RIT2: variants seen among roughly 807,000 people sequenced by gnomAD.
The protein encoded by RIT2 is Ras like without CAAX 2.
Under a neutral mutation model 23.7 loss-of-function variants are expected in RIT2, and 24 were observed. The ratio of observed to expected loss-of-function variants is 1.01; its 90% CI spans 0.73 to 1.43. RIT2 has a LOEUF of 1.43. Among genes scored for constraint, RIT2 ranks in the 40% most tolerant of loss-of-function variants. The pLI, the probability that RIT2 is intolerant of heterozygous loss-of-function variation, is 0.00. For synonymous variants in RIT2, 107 were observed against 91.1 expected, an observed-to-expected ratio of 1.17 and a Z score of -0.99; for missense variants, 236 against 266.9, an observed-to-expected ratio of 0.88 and a Z score of 0.81.
rs1170217010 is a variant in RIT2, at chr18:42,743,661, G to A, written c.486C>T (p.Thr162=). The A allele has an allele frequency of 1.2e-6, 2 of 1,613,824 alleles. No individual in the cohort carries two copies. The highest frequency in any genetic ancestry group is 1.3e-5 in the African/African-American group (1 of 74,954). ...CAATACAGAATCTGAGGGCTGCAGA[G>A]GTCTCAAAAAAACCACAATTATATT... The part of the protein sequence containing the change: ...AQEYNCGFFE[T]SAALRFCIDD... The change falls in exon 5 of 5, where the codon ACC becomes ACT. Residue 162 remains threonine, a synonymous_variant. Transcript: ENST00000326695.
intron 3 of RIT2, among the ~76,000 whole-genome samples, chr18:42,935,566 G>A (rs573084177): frequency 1.3e-5 from 2 of 152,116 alleles, no homozygotes; most frequent in Non-Finnish European, 2.9e-5. Context: ...AGATCGAAGA[G>A]AGCCCGGAAC....
chr18:42,836,569 G>A (rs1261030416), intron 4 of RIT2, among the ~76,000 whole-genome samples: 7 of 152,092 alleles, frequency 4.6e-5, no homozygotes, highest in South Asian at 2.1e-4. Context: ...GAGAAGCTTC[G>A]TTTGGGGATA....
At chr18:42,906,786 C>CT (rs2144113812) in intron 4 of RIT2, among the ~76,000 whole-genome samples, 1 of 152,258 alleles carries the variant, frequency 6.6e-6, no homozygotes, top group Non-Finnish European at 1.5e-5. Flanking sequence ...ATGAAAATAG[C>CT]TTTGTTTCCC....
At chr18:43,031,776 TAACA>T (rs1911859376) in intron 2 of RIT2, among the ~76,000 whole-genome samples, 1 of 152,078 alleles carries the variant, frequency 6.6e-6, no homozygotes. Flanking sequence ...GTCAGTAGGG[TAACA>T]AACAGATCTA....
At chr18:42,757,728 T>C (rs1393449882) in intron 4 of RIT2, among the ~76,000 whole-genome samples, 1 of 152,184 alleles carries the variant, frequency 6.6e-6, no homozygotes, top group Non-Finnish European at 1.5e-5. Context: ...ATCAGCCAGT[T>C]CCCTGTCCTA....
Position 42,913,595 on chromosome 18 carries a change from T to C in RIT2, c.426+9977A>G, listed in dbSNP as rs1005350992. On this transcript the variant is annotated intron_variant, in intron 4 of 4. Coordinates refer to ENST00000326695, the MANE Select transcript of RIT2 (RefSeq NM_002930.4). ...ATGAAAATAAAAATAAGCATTATCT[T>C]AGGCGAAATAAGCCAGGCACAGAAA... Among the ~76,000 whole-genome samples the C allele has an allele frequency of 2.0e-5, 3 of 151,996 alleles. 1 individual carries two copies. The highest frequency in any genetic ancestry group is 2.0e-4 in the Admixed American group (3 of 15,210).
Position 42,797,098 on chromosome 18 carries a change from C to G in RIT2, c.427-53378G>C, listed in dbSNP as rs1193236002. The stretch of plus-strand genomic sequence containing the variant: ...AATAAACAGTATCTACAGAGAGCAT[C>G]TATACACCAGGCCCTCAGGAGATGG... On this transcript the variant is annotated intron_variant, in intron 4 of 4. Coordinates refer to ENST00000326695, the MANE Select transcript of RIT2 (RefSeq NM_002930.4). Among the ~76,000 whole-genome samples the G allele has an allele frequency of 3.3e-5, 5 of 152,116 alleles. No homozygotes were observed. The East Asian group carries it at 5.8e-4, about 18-fold the overall frequency.
At chr18:42,834,601 G>C (rs1385932049) in intron 4 of RIT2, among the ~76,000 whole-genome samples, 1 of 151,816 alleles carries the variant, frequency 6.6e-6, no homozygotes, top group Non-Finnish European at 1.5e-5. Flanking sequence ...GCTTTGAGTA[G>C]TTTTCAAAAT....
rs1187407666 is a variant in RIT2 at position 42,799,481 on chromosome 18, A to G, written c.427-55761T>C. On this transcript the variant is annotated intron_variant, in intron 4 of 4. Transcript: ENST00000326695. ...ATAGCCCAAGCTACCAATATTTCCC[A>G]ATTGAGCTATTGCAATCTCCTCCTA... Among the ~76,000 whole-genome samples, 4 of 152,176 alleles carry G rather than the reference A, an allele frequency of 2.6e-5. No homozygotes were observed. The East Asian group carries it at 7.7e-4, about 29-fold the overall frequency.
intron 3 of RIT2, among the ~76,000 whole-genome samples, chr18:42,970,008 T>G (rs1910325152): frequency 2.0e-5 from 3 of 152,006 alleles, no homozygotes; most frequent in African/African-American, 7.2e-5. Flanking sequence ...CTTGACCTAT[T>G]GCAGTTCTTG....
intron 2 of RIT2, among the ~76,000 whole-genome samples, chr18:43,032,215 T>C (rs1226824205): frequency 2.0e-5 from 3 of 152,088 alleles, no homozygotes; most frequent in African/African-American, 7.2e-5. Flanking sequence ...GATAGATGTG[T>C]CTCATGGATA....
chr18:42,851,679 G>A (rs774942801), intron 4 of RIT2, among the ~76,000 whole-genome samples: 3 of 151,852 alleles, frequency 2.0e-5, no homozygotes, highest in African/African-American at 4.8e-5. Context: ...GTGAAACCCC[G>A]TCTCTACTAA....
At position 42,948,699 on chromosome 18, in the gene RIT2, A is replaced by G. The variant is rs370719740; in HGVS notation, c.235-24936T>C. Among the ~76,000 whole-genome samples the G allele has an allele frequency of 2.5e-4, 38 of 152,202 alleles. No homozygotes were observed. In the East Asian group the frequency reaches 3.7e-3, roughly 15 times the overall value. On this transcript the variant is annotated intron_variant, in intron 3 of 4. Coordinates refer to ENST00000326695, the MANE Select transcript of RIT2 (RefSeq NM_002930.4). ...GAAAAGTGTCCTATTTGGAAAAGTT[A>G]TATGATCATCTTAATCAGAGGAAAA...
At chr18:42,773,467 T>G (rs1913597981) in intron 4 of RIT2, among the ~76,000 whole-genome samples, 1 of 152,128 alleles carries the variant, frequency 6.6e-6, no homozygotes, top group African/African-American at 2.4e-5. Flanking sequence ...TCGACTAGGT[T>G]TTTAACAACG....
In RIT2 at chr18:43,115,639, C is replaced by A. The variant is rs944629386; in HGVS notation, c.-120G>T. On this transcript the variant is annotated 5_prime_UTR_variant, in exon 1 of 5. The change abolishes an upstream ATG in the 5' untranslated region. Transcript: ENST00000326695. ...AAAGGTTTTAGTACGAGGTAAGAAC[C>A]ATCAGCGTCGGGCTGGCTGCTGGTC... 6.5e-6 allele frequency: 9 copies of A among 1,390,908 alleles called. No individual in the cohort carries two copies. The highest frequency in any genetic ancestry group is 8.5e-6 in the Non-Finnish European group (9 of 1,064,540). The allele number at this position is 1,390,908 out of a possible 1,614,324, so 86.2% of individuals were successfully genotyped here.
chr18:42,873,264 T>C (rs1300857906), intron 4 of RIT2, among the ~76,000 whole-genome samples: 2 of 152,220 alleles, frequency 1.3e-5, no homozygotes, highest in Non-Finnish European at 2.9e-5. Context: ...TTTTGTGCTT[T>C]ATCTATTGAA....
intron 3 of RIT2, among the ~76,000 whole-genome samples, chr18:42,963,634 T>C (rs765904757): frequency 3.8e-4 from 58 of 152,208 alleles, no homozygotes; most frequent in Non-Finnish European, 7.8e-4. Flanking sequence ...GGCTCATATC[T>C]GTAATCGCTG....
intron 3 of RIT2, among the ~76,000 whole-genome samples, chr18:42,968,384 C>T (rs1424787780): frequency 1.3e-5 from 2 of 152,156 alleles, no homozygotes; most frequent in Admixed American, 6.5e-5. Flanking sequence ...CTGGGAAAAT[C>T]AGGATTCATG....
chr18:42,796,255 G>A (rs751471198), intron 4 of RIT2, among the ~76,000 whole-genome samples: 3 of 152,068 alleles, frequency 2.0e-5, no homozygotes, highest in South Asian at 2.1e-4. Context: ...CTCCAGACGC[G>A]CTGCCTTAAG....
Sources: gnomAD v4.1 joint callset for allele counts (sites outside exome capture counted in the v4.1 genomes callset) on GRCh38, gnomAD v4.1.1 for gene constraint, MANE v1.5 for transcripts, NCBI Gene and HGNC (gene_info 2026-07-23, HGNC 2026-07-21) for gene names.